CCDC149: variants seen among roughly 807,000 people sequenced by gnomAD.
CCDC149 encodes coiled-coil domain-containing protein 149.
A neutral mutation model predicts 59.9 loss-of-function variants in CCDC149; 45 were observed. The observed-to-expected ratio is 0.75, with a 90% CI of 0.59 to 0.96. CCDC149 has a LOEUF of 0.96. Ranked by LOEUF, CCDC149 falls within the 40% of genes least tolerant of loss-of-function variation. The pLI is 0.00. For synonymous variants in CCDC149, 245 were observed against 260.6 expected (o/e 0.94, Z 0.58); for missense variants, 584 against 664.7 (o/e 0.88, Z 1.33).
At chr4:24,971,404 G>T (rs1024754438) in intron 1 of CCDC149, among the ~76,000 whole-genome samples, 1 of 152,220 alleles carries the variant, frequency 6.6e-6, no homozygotes, top group Non-Finnish European at 1.5e-5. Flanking sequence ...GCCAAGGCAG[G>T]CTTCCAGTGC....
chr4:24,811,304 CT>C (rs939035926), intron 12 of CCDC149, among the ~76,000 whole-genome samples: 1 of 152,138 alleles, frequency 6.6e-6, no homozygotes, highest in African/African-American at 2.4e-5. Flanking sequence ...ATATCCACTG[CT>C]TTCACTTCCC....
Position 24,932,737 on chromosome 4 carries a change from G to T in CCDC149, c.-64-37619C>A, listed in dbSNP as rs372614160. Among the ~76,000 whole-genome samples the T allele has an allele frequency of 1.3e-4, 20 of 152,264 alleles. No homozygotes were observed. The South Asian group carries it at 4.1e-3, about 32-fold the overall frequency. ...GCAACCCAGCACTGGCTTCCAAAGT[G>T]AAATGAATAGGGCAGAATACCTGAA... On this transcript the variant is annotated intron_variant, in intron 1 of 12. Transcript: ENST00000389609.
chr4:24,810,602 TG>T (rs1384852049), intron 12 of CCDC149, among the ~76,000 whole-genome samples: 1 of 152,220 alleles, frequency 6.6e-6, no homozygotes. Context: ...ATGATGTTTG[TG>T]AGATTTACCC....
intron 1 of CCDC149, among the ~76,000 whole-genome samples, chr4:24,940,245 A>T (rs1160042387): frequency 1.3e-5 from 2 of 152,232 alleles, no homozygotes; most frequent in Non-Finnish European, 2.9e-5. Context: ...AATATTCAAC[A>T]TTCTTAAAGA....
At chr4:24,853,369 T>A (rs1421083351) in intron 3 of CCDC149, 190 bp from the exon 4 acceptor site, 1 of 577,622 alleles carries the variant, frequency 1.7e-6, no homozygotes, top group African/African-American at 1.9e-5. Context: ...GAAAATGAAG[T>A]TGGCCATGAA....
At chr4:24,834,906 T>C (rs1716396669) in intron 8 of CCDC149, 42 bp downstream of exon 8, 1 of 1,468,878 alleles carries the variant, frequency 6.8e-7, no homozygotes, top group African/African-American at 1.4e-5. Flanking sequence ...GCTCTAGTAT[T>C]TTACGCTCAT....
At chr4:24,964,875 G>C (rs973626029) in intron 1 of CCDC149, among the ~76,000 whole-genome samples, 1 of 143,742 alleles carries the variant, frequency 7.0e-6, no homozygotes, top group Non-Finnish European at 1.5e-5. Flanking sequence ...CCAATTCAAA[G>C]ACAGTAGGTT....
chr4:24,916,859 G>A (rs1163869028), upstream of CCDC149, among the ~76,000 whole-genome samples: 1 of 150,614 alleles, frequency 6.6e-6, no homozygotes, highest in African/African-American at 2.4e-5. Flanking sequence ...ATATGAGCCA[G>A]GAGGGCCATT....
At chr4:24,920,527 T>C (rs1258712455) in intron 1 of CCDC149, among the ~76,000 whole-genome samples, 6 of 152,190 alleles carry the variant, frequency 3.9e-5, no homozygotes, top group Admixed American at 2.0e-4. Context: ...GGAACTGGCA[T>C]AGAGTCACTT....
chr4:24,846,928 A>G (rs1361926874), intron 4 of CCDC149, among the ~76,000 whole-genome samples: 1 of 152,212 alleles, frequency 6.6e-6, no homozygotes. Context: ...AAGAAGACCA[A>G]CTGCCATCTG....
At chr4:24,831,742 TC>T in intron 8 of CCDC149, 92 bp from the exon 9 acceptor site, 1 of 1,157,672 alleles carries the variant, frequency 8.6e-7, no homozygotes, top group Non-Finnish European at 1.2e-6. Flanking sequence ...TAATGATATG[TC>T]CCCAGCTTCA....
intron 1 of CCDC149, among the ~76,000 whole-genome samples, chr4:24,879,197 T>C (rs546984419): frequency 2.6e-5 from 4 of 152,264 alleles, no homozygotes; most frequent in African/African-American, 9.6e-5. Flanking sequence ...GCACAAGTCT[T>C]TGGCATCTAT....
chr4:24,891,492 C>T (rs1017063925), intron 1 of CCDC149, among the ~76,000 whole-genome samples: 3 of 152,314 alleles, frequency 2.0e-5, no homozygotes, highest in South Asian at 2.1e-4. Flanking sequence ...ATTTGACTTG[C>T]TCTCCTTAAC....
chr4:24,810,784 T>C (rs3857116), intron 12 of CCDC149, among the ~76,000 whole-genome samples: 137,855 of 152,294 alleles, frequency 0.91, 62,465 homozygotes, highest in African/African-American at 0.94. Flanking sequence ...TAAGTCCCAA[T>C]GAAATGTAGT....
At chr4:24,945,424 C>G (rs140184828) in intron 1 of CCDC149, among the ~76,000 whole-genome samples, 1 of 152,138 alleles carries the variant, frequency 6.6e-6, no homozygotes, top group East Asian at 1.9e-4. Flanking sequence ...CGATGCATCT[C>G]TAAGCTAAGG....
intron 3 of CCDC149, among the ~76,000 whole-genome samples, chr4:24,866,823 CCA>C (rs3066470): frequency 2.0e-4 from 28 of 142,192 alleles, no homozygotes; most frequent in South Asian, 4.5e-4. Context: ...ACACACACAC[CCA>C]CACACACACA....
intron 1 of CCDC149, among the ~76,000 whole-genome samples, chr4:24,910,429 G>T (rs189400889): frequency 3.9e-5 from 6 of 152,072 alleles, no homozygotes; most frequent in Admixed American, 3.9e-4. Flanking sequence ...GTTAGGTCTC[G>T]GATGCAGCTA....
chr4:24,820,238 C>T (rs1449060851), intron 11 of CCDC149: 2 of 398,276 alleles, frequency 5.0e-6, no homozygotes, highest in Non-Finnish European at 9.1e-6. Flanking sequence ...CCTCTCACTG[C>T]TTGATGTATA....
chr4:24,919,630 T>C (rs1002082358), intron 1 of CCDC149, among the ~76,000 whole-genome samples: 1 of 152,144 alleles, frequency 6.6e-6, no homozygotes, highest in African/African-American at 2.4e-5. Context: ...AATCTCAATA[T>C]AGGAAAACAA....
Sources: gnomAD v4.1 joint callset for allele counts (sites outside exome capture counted in the v4.1 genomes callset) on GRCh38, gnomAD v4.1.1 for gene constraint, MANE v1.5 for transcripts, NCBI Gene and HGNC (gene_info 2026-07-23, HGNC 2026-07-21) for gene names.